Variants in DNAH14 observed in about 807,000 individuals in gnomAD.
DNAH14 encodes the protein axonemal beta dynein heavy chain 14.
In DNAH14, 478 loss-of-function variants were observed where a neutral mutation model predicts 520.9. That is an observed-to-expected ratio of 0.92 (90% CI 0.85 to 0.99). The LOEUF is 0.99. Among genes scored for constraint, DNAH14 ranks in the 50% least tolerant of loss-of-function variants. The pLI, the probability that DNAH14 is intolerant of heterozygous loss-of-function variation, is 0.00. For missense variants in DNAH14, 4,831 were observed against 5,234.5 expected (o/e 0.92, Z 2.38); for synonymous variants, 1,581 against 1,757.2 (o/e 0.90, Z 2.51).
At chr1:225,129,138 C>T (rs1427541604) in intron 27 of DNAH14, among the ~76,000 whole-genome samples, 2 of 151,918 alleles carry the variant, frequency 1.3e-5, no homozygotes, top group Admixed American at 6.6e-5. Flanking sequence ...TCAAGGAGAA[C>T]TACAAACCAC....
At chr1:225,121,597 T>G (rs1020470854) in intron 26 of DNAH14, among the ~76,000 whole-genome samples, 4 of 152,162 alleles carry the variant, frequency 2.6e-5, no homozygotes, top group African/African-American at 9.7e-5. Flanking sequence ...TACCTCTTTT[T>G]TGGGAGGCCG....
intron 49 of DNAH14, among the ~76,000 whole-genome samples, chr1:225,268,809 C>T (rs1168902686): frequency 6.6e-6 from 1 of 152,148 alleles, no homozygotes; most frequent in Non-Finnish European, 1.5e-5. Flanking sequence ...CTACAAACCA[C>T]TGCTCAACGA....
chr1:225,331,644 T>C, intron 65 of DNAH14, 67 bp downstream of exon 65: 2 of 1,540,496 alleles, frequency 1.3e-6, no homozygotes, highest in Admixed American at 2.0e-5. Context: ...CCCAAGATGT[T>C]ATTTTCACTG....
intron 36 of DNAH14, among the ~76,000 whole-genome samples, chr1:225,173,917 A>C (rs1050624007): frequency 3.3e-5 from 5 of 152,378 alleles, no homozygotes; most frequent in Non-Finnish European, 7.3e-5. Flanking sequence ...ACACCATGGA[A>C]TACTATGCAG....
intron 55 of DNAH14, among the ~76,000 whole-genome samples, chr1:225,300,412 G>A (rs1442535924): frequency 1.3e-5 from 2 of 152,118 alleles, no homozygotes; most frequent in East Asian, 3.9e-4. Context: ...TATTCTGATG[G>A]GTTTGAATGA....
intron 77 of DNAH14, among the ~76,000 whole-genome samples, chr1:225,373,662 G>A (rs1485079972): frequency 6.6e-6 from 1 of 152,174 alleles, no homozygotes; most frequent in East Asian, 1.9e-4. Context: ...GTGGCCTCAA[G>A]GGAGAGGATC....
intron 5 of DNAH14, among the ~76,000 whole-genome samples, chr1:224,966,471 A>G (rs1218719743): frequency 6.6e-6 from 1 of 152,156 alleles, no homozygotes; most frequent in Non-Finnish European, 1.5e-5. Flanking sequence ...AAAAGTTTCA[A>G]GAAACTTTTA....
chr1:225,386,393 A>G (rs1575142998), intron 81 of DNAH14, among the ~76,000 whole-genome samples: 1 of 152,222 alleles, frequency 6.6e-6, no homozygotes, highest in Non-Finnish European at 1.5e-5. Context: ...ATCTAATTAA[A>G]CTAAAGAGCT....
At chr1:225,282,896 T>C (rs2093657604) in intron 54 of DNAH14, among the ~76,000 whole-genome samples, 1 of 152,238 alleles carries the variant, frequency 6.6e-6, no homozygotes, top group African/African-American at 2.4e-5. Context: ...TATCTTTTTC[T>C]TATTGATTGG....
chr1:225,214,818 C>G (rs528863942), intron 41 of DNAH14, among the ~76,000 whole-genome samples: 2 of 151,404 alleles, frequency 1.3e-5, no homozygotes, highest in East Asian at 3.9e-4. Flanking sequence ...ATTAGTCTTG[C>G]TAGCAGTCTA....
intron 11 of DNAH14, among the ~76,000 whole-genome samples, chr1:225,030,769 A>C (rs1168073028): frequency 6.6e-6 from 1 of 152,012 alleles, no homozygotes; most frequent in Non-Finnish European, 1.5e-5. Context: ...CACAGTCTGC[A>C]TAACTATAAT....
intron 78 of DNAH14, among the ~76,000 whole-genome samples, chr1:225,376,647 A>T (rs926214047): frequency 6.6e-6 from 1 of 152,224 alleles, no homozygotes; most frequent in African/African-American, 2.4e-5. Context: ...ATTTTATGAC[A>T]GTTCCAGCTT....
chr1:225,105,683 G>C (rs2075983070), intron 23 of DNAH14, among the ~76,000 whole-genome samples: 1 of 152,066 alleles, frequency 6.6e-6, no homozygotes, highest in Non-Finnish European at 1.5e-5. Flanking sequence ...TTTAAAGTCT[G>C]TTTTATCAGA....
intron 47 of DNAH14, 26 bp downstream of exon 47, chr1:225,264,287 G>A (rs1574383589): frequency 2.0e-6 from 3 of 1,508,766 alleles, no homozygotes; most frequent in Non-Finnish European, 1.8e-6. Flanking sequence ...CAGTTTCAAA[G>A]CTATGCTATG....
At chr1:225,058,308 T>G (rs2069457303) in intron 17 of DNAH14, among the ~76,000 whole-genome samples, 2 of 152,222 alleles carry the variant, frequency 1.3e-5, no homozygotes, top group Admixed American at 1.3e-4. Context: ...ATTTTCTAGT[T>G]TATTTGTGTA....
intron 8 of DNAH14, among the ~76,000 whole-genome samples, chr1:224,974,532 G>A (rs1335033661): frequency 6.6e-6 from 1 of 152,088 alleles, no homozygotes; most frequent in Non-Finnish European, 1.5e-5. Flanking sequence ...GATAATCGTG[G>A]ATTGAGATGC....
chr1:225,165,685 G>A (rs2081974707), intron 35 of DNAH14, among the ~76,000 whole-genome samples: 1 of 151,912 alleles, frequency 6.6e-6, no homozygotes, highest in Admixed American at 6.6e-5. Context: ...TCGGGCTCAA[G>A]CAATCCTCCT....
rs560816396 is a variant in DNAH14 at position 224,968,774 on chromosome 1, G to T, written c.667G>T (p.Gly223Cys). The T allele has an allele frequency of 4.0e-6, 6 of 1,503,200 alleles. No individual in the cohort carries two copies. The African/African-American group carries it at 7.1e-5, about 18-fold the overall frequency. The allele number at this position is 1,503,200 out of a possible 1,614,324, so 93.1% of individuals were successfully genotyped here. Residue 223 changes from glycine (G) to cysteine (C), a missense_variant, in exon 7 of 86, where the codon GGT (glycine) becomes TGT (cysteine). Transcript: ENST00000682510. ...SFISKVINIVGSVKEVELIPT... is the reference protein window; with the variant it reads ...SFISKVINIVCSVKEVELIPT... ...TATTTTGTAGGTTATTAATATAGTTGGTAGTGTAAAGGAAGTAGAACTCAT... is the reference window on the plus strand; with the variant it reads ...TATTTTGTAGGTTATTAATATAGTTTGTAGTGTAAAGGAAGTAGAACTCAT...
At chr1:225,075,420 T>TC (rs2072141618) in intron 17 of DNAH14, among the ~76,000 whole-genome samples, 1 of 152,220 alleles carries the variant, frequency 6.6e-6, no homozygotes, top group African/African-American at 2.4e-5. Flanking sequence ...TCTAGCTGCT[T>TC]CTAGTCAGCC....
Sources: gnomAD v4.1 joint callset for allele counts (sites outside exome capture counted in the v4.1 genomes callset) on GRCh38, gnomAD v4.1.1 for gene constraint, MANE v1.5 for transcripts, NCBI Gene and HGNC (gene_info 2026-07-23, HGNC 2026-07-21) for gene names.